The following SPAG16 variants were observed in gnomAD, a reference collection of about 807,000 sequenced individuals.
The protein encoded by SPAG16 is sperm associated antigen 16, also known as sperm-associated antigen 16 protein.
A neutral mutation model predicts 80.4 loss-of-function variants in SPAG16; 86 were observed. That is an observed-to-expected ratio of 1.07 (90% CI 0.90 to 1.28). The LOEUF is 1.28. Among genes scored for constraint, SPAG16 ranks in the 50% most tolerant of loss-of-function variants. SPAG16 has a pLI of 0.00. For missense variants in SPAG16, 870 were observed against 765.3 expected (o/e 1.14, Z -1.61); for synonymous variants, 294 against 265.9 (o/e 1.11, Z -1.03).
At chr2:214,076,324 A>C (rs1164735357) in intron 13 of SPAG16, among the ~76,000 whole-genome samples, 1 of 152,210 alleles carries the variant, frequency 6.6e-6, no homozygotes, top group African/African-American at 2.4e-5. Flanking sequence ...AACAGAAAGA[A>C]GGTATCTAGG....
At chr2:213,975,797 A>C (rs992948538) in intron 12 of SPAG16, among the ~76,000 whole-genome samples, 2 of 152,016 alleles carry the variant, frequency 1.3e-5, no homozygotes, top group African/African-American at 4.8e-5. Flanking sequence ...CAATTGCTTT[A>C]TAACTATTTA....
At chr2:213,501,977 A>G (rs2074762004) in intron 10 of SPAG16, among the ~76,000 whole-genome samples, 1 of 152,262 alleles carries the variant, frequency 6.6e-6, no homozygotes, top group Non-Finnish European at 1.5e-5. Flanking sequence ...GTCTTAGGCT[A>G]TTAACCAAAG....
In SPAG16 at chr2:214,410,422, T is replaced by G. The variant is rs1233989418; in HGVS notation, c.*107T>G. On this transcript the variant is annotated 3_prime_UTR_variant, in exon 16 of 16. Coordinates refer to ENST00000331683, the MANE Select transcript of SPAG16 (RefSeq NM_024532.5). ...GTTAAATGTGCCAGCAGGTAACATT[T>G]ACAGTCTGCTTTAAAACATGCTTTG... 9.4e-7 allele frequency: 1 copy of G among 1,061,074 alleles called. No homozygotes were observed. Among genetic ancestry groups the G allele is most frequent in the Non-Finnish European group, 1.4e-6 (1 of 737,842 alleles). 65.7% of individuals were successfully genotyped at this position (1,061,074 alleles called of 1,614,324 possible).
chr2:213,974,961 A>C (rs564536372), intron 12 of SPAG16, among the ~76,000 whole-genome samples: 27 of 146,792 alleles, frequency 1.8e-4, no homozygotes, highest in Middle Eastern at 3.4e-3. Context: ...AAAAAAAAAA[A>C]AAAACACAAA....
At chr2:214,120,594 G>A (rs1440588547) in intron 14 of SPAG16, among the ~76,000 whole-genome samples, 3 of 151,662 alleles carry the variant, frequency 2.0e-5, no homozygotes, top group African/African-American at 7.2e-5. Flanking sequence ...CTCTTCTTGA[G>A]CTCTGTATTG....
At chr2:214,297,373 C>A (rs1694211002) in intron 15 of SPAG16, among the ~76,000 whole-genome samples, 1 of 151,998 alleles carries the variant, frequency 6.6e-6, no homozygotes, top group East Asian at 1.9e-4. Flanking sequence ...GTCATAAATT[C>A]TTTGCTTAGG....
At chr2:213,330,868 A>G (rs963377996) in intron 5 of SPAG16, among the ~76,000 whole-genome samples, 18 of 152,172 alleles carry the variant, frequency 1.2e-4, no homozygotes, top group African/African-American at 4.3e-4. Context: ...AATAATCCTC[A>G]TGAGATTTGA....
intron 9 of SPAG16, among the ~76,000 whole-genome samples, chr2:213,472,681 C>G (rs1344170988): frequency 1.3e-5 from 2 of 152,122 alleles, no homozygotes; most frequent in African/African-American, 4.8e-5. Flanking sequence ...ATTATGTGTT[C>G]TAGCACTGGA....
intron 7 of SPAG16, among the ~76,000 whole-genome samples, chr2:213,361,933 A>G (rs954302523): frequency 6.6e-6 from 1 of 152,056 alleles, no homozygotes; most frequent in African/African-American, 2.4e-5. Flanking sequence ...CAAGTAAGGG[A>G]GACTGGCTTG....
intron 15 of SPAG16, among the ~76,000 whole-genome samples, chr2:214,273,849 T>G (rs1692227658): frequency 6.6e-6 from 1 of 152,230 alleles, no homozygotes; most frequent in Admixed American, 6.5e-5. Context: ...ATTGGTAGCT[T>G]GATGGGGATT....
At chr2:214,252,318 T>TAAG (rs1477410321) in intron 15 of SPAG16, among the ~76,000 whole-genome samples, 1 of 152,102 alleles carries the variant, frequency 6.6e-6, no homozygotes, top group Non-Finnish European at 1.5e-5. Context: ...TATTATACTT[T>TAAG]AAGTTCTGGG....
intron 10 of SPAG16, among the ~76,000 whole-genome samples, chr2:213,681,108 T>A (rs1328132427): frequency 2.0e-5 from 3 of 152,116 alleles, no homozygotes; most frequent in Non-Finnish European, 4.4e-5. Flanking sequence ...TCTTATTTGA[T>A]TGTCTCCTGG....
intron 15 of SPAG16, among the ~76,000 whole-genome samples, chr2:214,196,639 A>C (rs2057848029): frequency 6.6e-6 from 1 of 152,120 alleles, no homozygotes; most frequent in Non-Finnish European, 1.5e-5. Flanking sequence ...AGAGTGAAAC[A>C]CAAAGAGTGA....
intron 10 of SPAG16, among the ~76,000 whole-genome samples, chr2:213,511,978 A>G (rs571642336): frequency 2.0e-5 from 3 of 152,168 alleles, no homozygotes; most frequent in Non-Finnish European, 4.4e-5. Flanking sequence ...ATAGATGTCT[A>G]ATTTTTCTCC....
At chr2:214,012,293 T>TTATACTTACATATATATATATA (rs2047349017) in intron 12 of SPAG16, among the ~76,000 whole-genome samples, 1 of 102,162 alleles carries the variant, frequency 9.8e-6, no homozygotes, top group Non-Finnish European at 1.9e-5. Context: ...TATATATTTT[T>TTATACTTACATATATATATATA]TTTTTTTTTT....
intron 10 of SPAG16, among the ~76,000 whole-genome samples, chr2:213,547,365 C>T (rs561904774): frequency 3.6e-4 from 55 of 152,108 alleles, no homozygotes; most frequent in African/African-American, 1.2e-3. Context: ...AAAGTGAATA[C>T]TTATTTGGTC....
intron 12 of SPAG16, among the ~76,000 whole-genome samples, chr2:213,976,484 G>T (rs1236811897): frequency 6.6e-6 from 1 of 151,854 alleles, no homozygotes; most frequent in African/African-American, 2.4e-5. Flanking sequence ...GTAGCAAAAA[G>T]GACTTGCAGA....
chr2:214,016,260 A>C (rs1360636082), intron 13 of SPAG16, among the ~76,000 whole-genome samples: 2 of 152,188 alleles, frequency 1.3e-5, no homozygotes, highest in Non-Finnish European at 2.9e-5. Flanking sequence ...GAGGCCTCAC[A>C]GCATGGTGAA....
At chr2:213,833,450 TA>T (rs1184236456) in intron 10 of SPAG16, among the ~76,000 whole-genome samples, 1 of 858 alleles carries the variant, frequency 1.2e-3, no homozygotes, top group African/African-American at 1.2e-3. Flanking sequence ...TGTATATATA[TA>T]TATTATATAT....
Sources: gnomAD v4.1 joint callset for allele counts (sites outside exome capture counted in the v4.1 genomes callset) on GRCh38, gnomAD v4.1.1 for gene constraint, MANE v1.5 for transcripts, NCBI Gene and HGNC (gene_info 2026-07-23, HGNC 2026-07-21) for gene names.